TMEM63A: variants seen among roughly 807,000 people sequenced by gnomAD.
TMEM63A encodes the protein mechanosensitive cation channel TMEM63A.
In TMEM63A, 76 loss-of-function variants were observed where a neutral mutation model predicts 100.6. That is an observed-to-expected ratio of 0.76 (90% confidence interval 0.63 to 0.91). The LOEUF is 0.91. Ranked by LOEUF, TMEM63A falls within the 40% of genes least tolerant of loss-of-function variation. The pLI is 0.00. For synonymous variants in TMEM63A, 401 were observed against 401.1 expected, an observed-to-expected ratio of 1.00 and a Z score of 0.00; for missense variants, 876 against 1,008.8, an observed-to-expected ratio of 0.87 and a Z score of 1.78.
intron 18 of TMEM63A, among the ~76,000 whole-genome samples, chr1:225,854,266 G>A (rs1576075571): frequency 6.6e-6 from 1 of 152,354 alleles, no homozygotes; most frequent in East Asian, 1.9e-4. Flanking sequence ...TCCAGGGGCT[G>A]GACAGCAGTG....
At chr1:225,866,086 G>A in intron 9 of TMEM63A, 119 bp from the exon 10 acceptor site, 1 of 1,059,272 alleles carries the variant, frequency 9.4e-7, no homozygotes, top group Non-Finnish European at 1.4e-6. Flanking sequence ...GAAGGCTCCA[G>A]TTTTCTCCTT....
In TMEM63A at chr1:225,856,950, A is replaced by C; in HGVS notation, c.1445T>G (p.Ile482Ser). Reference protein sequence around the residue: ...LWSFSALLPSIVYYSTLLESH... With the variant: ...LWSFSALLPSSVYYSTLLESH... ...CTCCAGCAGTGTAGAGTAGTAGACA[A>C]TGGAGGGGAGCAGGGCCGAGAAGGA... Residue 482 changes from isoleucine to serine, a missense_variant, in exon 16 of 25, where the codon ATT (isoleucine) becomes AGT (serine). Ile to Ser is a moderately radical substitution (Grantham distance 142). Coordinates refer to ENST00000366835, the MANE Select transcript of TMEM63A (RefSeq NM_014698.3). The C allele has an allele frequency of 6.2e-7, 1 of 1,604,590 alleles. No homozygotes were observed. The highest frequency in any genetic ancestry group is 8.5e-7 in the Non-Finnish European group (1 of 1,177,468).
intron 23 of TMEM63A, chr1:225,848,221 T>C: frequency 2.1e-6 from 1 of 484,678 alleles, no homozygotes; most frequent in Non-Finnish European, 3.6e-6. Context: ...AGGCATTAAA[T>C]ATGCAGAGAA....
At chr1:225,871,205 ACCT>A in intron 5 of TMEM63A, 92 bp from the exon 6 acceptor site, 1 of 1,347,318 alleles carries the variant, frequency 7.4e-7, no homozygotes, top group Admixed American at 2.0e-5. Context: ...TAACCATTTA[ACCT>A]CCTGTTGTAT....
chr1:225,842,354 G>A (rs200911198), downstream of TMEM63A: 33 of 1,591,916 alleles, frequency 2.1e-5, no homozygotes, highest in East Asian at 4.2e-4. Flanking sequence ...CTTGCTCCCC[G>A]CTCCCCGCCA....
intron 20 of TMEM63A, among the ~76,000 whole-genome samples, chr1:225,851,338 G>A (rs1669328240): frequency 6.6e-6 from 1 of 152,118 alleles, no homozygotes; most frequent in Admixed American, 6.6e-5. Flanking sequence ...AGTGGGTGCT[G>A]CCTTTTCTAT....
chr1:225,871,950 C>G (rs1670528234), intron 5 of TMEM63A, 37 bp downstream of exon 5: 1 of 1,522,586 alleles, frequency 6.6e-7, no homozygotes, highest in Non-Finnish European at 9.1e-7. Context: ...AGTCCCCACC[C>G]CCTGGCCATG....
chr1:225,872,686 CTTCT>C (rs1322661337), intron 4 of TMEM63A, among the ~76,000 whole-genome samples: 37 of 112,658 alleles, frequency 3.3e-4, no homozygotes, highest in Non-Finnish European at 6.0e-4. Flanking sequence ...GACTGCTTTT[CTTCT>C]TTTTTTTTTT....
At chr1:225,874,245 C>G (rs778934768) in intron 4 of TMEM63A, 43 bp downstream of exon 4, 2 of 1,576,024 alleles carry the variant, frequency 1.3e-6, no homozygotes. Context: ...CACACTCACA[C>G]GTACGCACAC....
rs754264768 is a variant in TMEM63A at position 225,848,840 on chromosome 1, G to A, written c.2187+57C>T. 89 of 1,378,842 alleles carry A rather than the reference G, an allele frequency of 6.5e-5. 1 individual carries two copies. In the Middle Eastern group the frequency reaches 6.0e-3, roughly 93 times the overall value. 85.4% of individuals were successfully genotyped at this position (1,378,842 alleles called of 1,614,324 possible). A position where few individuals can be genotyped will look rare whatever the true frequency, so the allele number is the denominator to read the frequency against. ...GGTGGGCGGGGTTGACAGCGAGCCC[G>A]TCCCACCATCTGTTCCTCCCAGGGC... On this transcript the variant is annotated intron_variant, in intron 22 of 24. Transcript: ENST00000366835.
intron 9 of TMEM63A, 77 bp downstream of exon 9, chr1:225,866,497 G>T: frequency 7.5e-7 from 1 of 1,333,098 alleles, no homozygotes. Flanking sequence ...GCCTGTGGCA[G>T]AGCCTGGGAG....
At position 225,850,091 on chromosome 1, in the gene TMEM63A, G is replaced by A; in HGVS notation, c.1904-12C>T. On this transcript the variant is annotated splice_polypyrimidine_tract_variant and intron_variant, in intron 20 of 24. Transcript: ENST00000366835. Reference sequence around the variant, plus strand: ...GATGTAGATGAGGCCTGCAGGGGATGGGGCTGTGAGCTGGAGACCTCGCAG... The same window carrying A: ...GATGTAGATGAGGCCTGCAGGGGATAGGGCTGTGAGCTGGAGACCTCGCAG... 1 of 1,613,846 alleles carries A rather than the reference G, an allele frequency of 6.2e-7. No homozygotes were observed. The highest frequency in any genetic ancestry group is 1.1e-5 in the South Asian group (1 of 91,064).
In TMEM63A at chr1:225,862,416, C is replaced by A; in HGVS notation, c.951+39G>T. On this transcript the variant is annotated intron_variant, in intron 12 of 24. Transcript: ENST00000366835. The surrounding 1 kb of genome is among the most constrained non-coding windows in gnomAD (Gnocchi z 5.1). ...TGCTGGTATCTGGGGCACCCCGATG[C>A]CAATGCCTCTGCTCCCAGCCGGGGG... 1 of 1,613,768 alleles carries A rather than the reference C, an allele frequency of 6.2e-7. No homozygotes were observed. The highest frequency in any genetic ancestry group is 1.3e-5 in the African/African-American group (1 of 75,038).
chr1:225,842,429 G>C (rs1347558163), downstream of TMEM63A: 2 of 1,614,118 alleles, frequency 1.2e-6, no homozygotes, highest in Non-Finnish European at 1.7e-6. Context: ...TTTTCCACCT[G>C]GACCAATACG....
chr1:225,871,135 AT>A, intron 5 of TMEM63A, 22 bp from the exon 6 acceptor site: 1 of 1,612,704 alleles, frequency 6.2e-7, no homozygotes, highest in African/African-American at 1.3e-5. Flanking sequence ...GAGAACAGGG[AT>A]TAGCTTCCAA....
chr1:225,866,019 G>T lies in TMEM63A; in HGVS notation c.676-52C>A, dbSNP rs531668048. ...AAGTCACCCACAAGCCAGTGTGCCG[G>T]TATGCTCAGGTTTCCTACCCAACTC... is the stretch of plus-strand genomic sequence containing the variant. On this transcript the variant is annotated intron_variant, in intron 9 of 24. Coordinates refer to ENST00000366835, the MANE Select transcript of TMEM63A (RefSeq NM_014698.3). 6.9e-6 allele frequency: 11 copies of T among 1,587,044 alleles called. No homozygotes were observed. The South Asian group carries it at 1.2e-4, about 18-fold the overall frequency.
chr1:225,847,311 GC>G, intron 23 of TMEM63A, 98 bp from the exon 24 acceptor site: 2 of 1,434,328 alleles, frequency 1.4e-6, no homozygotes, highest in Non-Finnish European at 1.9e-6. Flanking sequence ...ACAGACAGTG[GC>G]CATAAAGGAC....
In TMEM63A at chr1:225,849,976, G is replaced by C; in HGVS notation, c.2007C>G (p.Asn669Lys). Residue 669 changes from asparagine to lysine, a missense_variant, in exon 21 of 25, where the codon AAC (asparagine) becomes AAG (lysine). Asn to Lys is a moderately conservative substitution (Grantham distance 94). Around this residue, in one of 5 missense-constraint regions of TMEM63A, gnomAD observed 339 missense variants for 342.3 expected, o/e 0.99. Coordinates refer to ENST00000366835, the MANE Select transcript of TMEM63A (RefSeq NM_014698.3). ...ACAGGATGGGGGCTGCCAAGGCCTG[G>C]TTCACAGCGGCAAAGTGGATCCCCT... ...LEKGIHFAAV[N>K]QALAAPILCL... 1.2e-6 allele frequency: 2 copies of C among 1,614,246 alleles called. No homozygotes were observed. The highest frequency in any genetic ancestry group is 3.3e-5 in the Admixed American group (2 of 60,012).
At chr1:225,875,174 A>G (rs1181886788) in intron 3 of TMEM63A, among the ~76,000 whole-genome samples, 2 of 152,206 alleles carry the variant, frequency 1.3e-5, no homozygotes, top group Non-Finnish European at 2.9e-5. Context: ...GAGAGCATGC[A>G]TGCAGGCAGC....
Sources: gnomAD v4.1 joint callset for allele counts (sites outside exome capture counted in the v4.1 genomes callset) on GRCh38, gnomAD v4.1.1 for gene constraint, gnomAD v4.1.1 regional missense constraint, Gnocchi (gnomAD v3.1) non-coding constraint, MANE v1.5 for transcripts, NCBI Gene and HGNC (gene_info 2026-07-23, HGNC 2026-07-21) for gene names.